ESPN: variants seen among roughly 807,000 people sequenced by gnomAD.
ESPN encodes autosomal recessive deafness type 36 protein.
ESPN carries 68 observed loss-of-function variants against 77.7 expected under a neutral mutation model. The ratio of observed to expected loss-of-function variants is 0.87; its 90% CI spans 0.72 to 1.07. The LOEUF (loss-of-function observed/expected upper bound fraction) is 1.07, where lower values mean the gene tolerates loss of function less well. ESPN is among the 50% of genes least tolerant of loss of function. The pLI is 0.00. For synonymous variants in ESPN, 449 were observed against 567.1 expected (o/e 0.79, Z 2.96); for missense variants, 1,060 against 1,239.0 (o/e 0.86, Z 2.17).
chr1:6,440,686 T>G lies in ESPN; in HGVS notation c.736T>G (p.Phe246Val). The G allele has an allele frequency of 7.0e-7, 1 of 1,437,908 alleles. No homozygotes were observed. The highest frequency in any genetic ancestry group is 9.2e-7 in the Non-Finnish European group (1 of 1,088,452). 89.1% of individuals were successfully genotyped at this position (1,437,908 alleles called of 1,614,324 possible). A position where few individuals can be genotyped will look rare whatever the true frequency, so the allele number is the denominator to read the frequency against. ...CAAAGACGGCGCCACCGCCATGCAC[T>G]TCGCGGCGAGCCGCGGCCACACCAA... ...QDKDGATAMH[F>V]AASRGHTKVL... is the part of the protein sequence containing the mutation. The change falls in exon 4 of 13, where the codon TTC becomes GTC. Residue 246 changes from phenylalanine to valine, a missense_variant. By Grantham distance (50) the Phe-to-Val change is conservative. Transcript: ENST00000645284.
At position 6,427,920 on chromosome 1, in the gene ESPN, A is replaced by G. The variant is rs1197258972; in HGVS notation, c.295-306A>G. Among the ~76,000 whole-genome samples, 6 of 152,150 alleles carry G rather than the reference A, an allele frequency of 3.9e-5. No individual in the cohort carries two copies. The highest frequency in any genetic ancestry group is 7.4e-5 in the Non-Finnish European group (5 of 68,010). On this transcript the variant is annotated intron_variant, in intron 1 of 12. Transcript: ENST00000645284. The surrounding 1 kb of genome is among the most constrained non-coding windows in gnomAD (Gnocchi z 4.6). Reference sequence around the variant, plus strand: ...GGCCTGGTGCCAGTCTCCTGCCGTGACAACCAGGTGCCTGTCGTGTAGGCA... The same window carrying G: ...GGCCTGGTGCCAGTCTCCTGCCGTGGCAACCAGGTGCCTGTCGTGTAGGCA...
At chr1:6,429,392 C>A (rs1379676674) in intron 2 of ESPN, among the ~76,000 whole-genome samples, 1 of 152,182 alleles carries the variant, frequency 6.6e-6, no homozygotes, top group East Asian at 1.9e-4. Flanking sequence ...CTAGGAGGGC[C>A]CCAGGGACCC....
At position 6,452,092 on chromosome 1, in the gene ESPN, G is replaced by A. The variant is rs121908136; in HGVS notation, c.2321G>A (p.Arg774Gln). The stretch of plus-strand genomic sequence containing the variant: ...ATGCAGGAGGAGGAGGAGCAGAGGC[G>A]GAAGGTGGGTGGGGCGGGGTGCCCA... Reference protein sequence around the residue: ...LKMQEEEEQRRKEEEEEARLA... With the variant: ...LKMQEEEEQRQKEEEEEARLA... Residue 774 changes from arginine (R) to glutamine (Q), a missense_variant, in exon 10 of 13, where the codon CGG (arginine) becomes CAG (glutamine). Transcript: ENST00000645284. The A allele has an allele frequency of 1.1e-5, 17 of 1,543,026 alleles. No individual in the cohort carries two copies. The highest frequency in any genetic ancestry group is 2.4e-5 in the East Asian group (1 of 41,104).
In ESPN at chr1:6,428,105, C is replaced by A; in HGVS notation, c.295-121C>A. ...CATTGCTGAATGAGGCCTGGCCAAT[C>A]CCTCCAGGGAAGACAGAGAGCACAG... On this transcript the variant is annotated intron_variant, in intron 1 of 12. Transcript: ENST00000645284. The surrounding 1 kb of genome is among the most constrained non-coding windows in gnomAD (Gnocchi z 5.4). 1 of 1,075,486 alleles carries A rather than the reference C, an allele frequency of 9.3e-7. No homozygotes were observed. The allele number at this position is 1,075,486 out of a possible 1,614,324, so 66.6% of individuals were successfully genotyped here.
Position 6,457,243 on chromosome 1 carries a change from G to T in ESPN, c.2385G>T (p.Arg795=). ...CCGCCTGGAGGCGGGACCTCCTGCG[G>T]AAGAAGCTGGAAGAAGAGAGGTGAG... The part of the protein sequence containing the change: ...SMPAWRRDLL[R]KKLEEEREQK... Residue 795 remains arginine (R), a synonymous_variant, in exon 11 of 13, where the codon CGG becomes CGT. Transcript: ENST00000645284. The T allele has an allele frequency of 6.2e-7, 1 of 1,613,862 alleles. No homozygotes were observed. Among genetic ancestry groups the T allele is most frequent in the Non-Finnish European group, 8.5e-7 (1 of 1,179,842 alleles).
intron 7 of ESPN, among the ~76,000 whole-genome samples, chr1:6,446,229 T>C (rs950112001): frequency 6.6e-6 from 1 of 151,744 alleles, no homozygotes; most frequent in Admixed American, 6.6e-5. Context: ...TTGCACAGAG[T>C]GGCCGGGTTG....
rs560871360 is a variant in ESPN at position 6,448,842 on chromosome 1, C to G, written c.1666C>G (p.Leu556Val). 5 of 1,243,102 alleles carry G rather than the reference C, an allele frequency of 4.0e-6. No homozygotes were observed. The South Asian group carries it at 1.7e-4, about 42-fold the overall frequency. The allele number at this position is 1,243,102 out of a possible 1,614,324, so 77.0% of individuals were successfully genotyped here. ...GCCCGCGCGCGCCGGCTGCCCGCGCCTCGGCCCTGCCGCCCGCGGCTCACT... is the reference window on the plus strand; with the variant it reads ...GCCCGCGCGCGCCGGCTGCCCGCGCGTCGGCCCTGCCGCCCGCGGCTCACT... ...RQPARAGCPR[L>V]GPAARGSLEG... Residue 556 changes from leucine to valine, a missense_variant, in exon 8 of 13, where the codon CTC becomes GTC. This residue lies in a region of ESPN where 130 missense variants were observed against 223.9 expected (regional missense o/e 0.58). Transcript: ENST00000645284.
intron 1 of ESPN, among the ~76,000 whole-genome samples, chr1:6,426,091 G>A (rs1291011980): frequency 1.3e-5 from 2 of 152,142 alleles, no homozygotes; most frequent in Admixed American, 1.3e-4. Flanking sequence ...GCAGCCATGG[G>A]AGGGAGGAAC....
In ESPN at chr1:6,460,879, C is replaced by T. The variant is rs1477971452; in HGVS notation, c.*733C>T. 3.0e-6 allele frequency: 1 copy of T among 333,944 alleles called. No homozygotes were observed. The highest frequency in any genetic ancestry group is 2.2e-5 in the African/African-American group (1 of 45,598). 20.7% of individuals were successfully genotyped at this position (333,944 alleles called of 1,614,324 possible). A position where few individuals can be genotyped will look rare whatever the true frequency, so the allele number is the denominator to read the frequency against. On this transcript the variant is annotated 3_prime_UTR_variant, in exon 13 of 13. Transcript: ENST00000645284. ...TGTGTCTCCAACTGCTGCACCCCAT[C>T]CCGACCCTGTCTCCGCCACCTCGCA... is the stretch of plus-strand genomic sequence containing the variant.
intron 12 of ESPN, among the ~76,000 whole-genome samples, chr1:6,459,339 C>T (rs1032616973): frequency 6.6e-6 from 1 of 151,524 alleles, no homozygotes; most frequent in East Asian, 1.9e-4. Flanking sequence ...CCCAGGAGGT[C>T]GAGGCTGCAG....
chr1:6,457,290 G>C (rs1644073065), intron 11 of ESPN, 27 bp downstream of exon 11: 1 of 1,614,094 alleles, frequency 6.2e-7, no homozygotes, highest in Non-Finnish European at 8.5e-7. Flanking sequence ...GCAGAGGCTG[G>C]CCTGGCAGGG....
In ESPN at chr1:6,427,826, C is replaced by T. The variant is rs1436310945; in HGVS notation, c.295-400C>T. Among the ~76,000 whole-genome samples the T allele has an allele frequency of 2.0e-5, 3 of 152,212 alleles. No individual in the cohort carries two copies. Among genetic ancestry groups the T allele is most frequent in the Admixed American group, 1.3e-4 (2 of 15,290 alleles). ...CACAGCCCCCCTTCCTGGCCCTGCT[C>T]AGCCCAGTAACCCTGTGTCACTCCT... On this transcript the variant is annotated intron_variant, in intron 1 of 12. Coordinates refer to ENST00000645284, the MANE Select transcript of ESPN (RefSeq NM_031475.3). The surrounding 1 kb of genome is among the most constrained non-coding windows in gnomAD (Gnocchi z 4.6).
intron 7 of ESPN, chr1:6,448,066 C>T (rs991285356): frequency 3.9e-5 from 6 of 152,296 alleles, no homozygotes; most frequent in Non-Finnish European, 7.3e-5. Flanking sequence ...GGTGTCGGGT[C>T]CTGCCGCCCC....
rs200429314 is a variant in ESPN, at chr1:6,460,111, G to A, written c.2530G>A (p.Val844Ile). The A allele has an allele frequency of 1.9e-5, 30 of 1,613,086 alleles. No homozygotes were observed. The highest frequency in any genetic ancestry group is 2.5e-5 in the Non-Finnish European group (29 of 1,180,012). Residue 844 changes from valine to isoleucine, a missense_variant, in exon 13 of 13, where the codon GTC (valine) becomes ATC (isoleucine). Coordinates refer to ENST00000645284, the MANE Select transcript of ESPN (RefSeq NM_031475.3). ...CAAGCTGGCGCCCTGGCAGCGACAG[G>A]TCATCCTGAAGAAGGGGGACATCGC... ...ESKLAPWQRQ[V>I]ILKKGDIAKY
chr1:6,445,627 A>G, intron 6 of ESPN, 37 bp from the exon 7 acceptor site: 1 of 1,605,392 alleles, frequency 6.2e-7, no homozygotes, highest in Non-Finnish European at 8.5e-7. Flanking sequence ...GCCTGTCTGC[A>G]TGCTCCCAAA....
At chr1:6,443,188 A>T (rs1643707684) in intron 5 of ESPN, 1 of 151,628 alleles carries the variant, frequency 6.6e-6, no homozygotes, top group African/African-American at 2.4e-5. Context: ...AAAAAAAAAA[A>T]GTTGACAATA....
intron 10 of ESPN, among the ~76,000 whole-genome samples, chr1:6,452,540 A>G (rs1557716075): frequency 6.6e-6 from 1 of 152,136 alleles, no homozygotes; most frequent in Non-Finnish European, 1.5e-5. Flanking sequence ...TGTCCTTGGA[A>G]GTGAGACAGC....
intron 2 of ESPN, among the ~76,000 whole-genome samples, chr1:6,434,152 C>T (rs1454114016): frequency 1.3e-5 from 2 of 152,212 alleles, no homozygotes; most frequent in Non-Finnish European, 2.9e-5. Flanking sequence ...ATCCGCCCGC[C>T]TCGGCCTCCC....
At chr1:6,434,904 G>A (rs1417222731) in intron 2 of ESPN, among the ~76,000 whole-genome samples, 1 of 152,124 alleles carries the variant, frequency 6.6e-6, no homozygotes, top group Non-Finnish European at 1.5e-5. Context: ...GGTGGGCCTC[G>A]CAGCCCTGCC....
Sources: allele counts gnomAD v4.1 joint callset (sites outside exome capture counted in the v4.1 genomes callset), GRCh38; gene constraint gnomAD v4.1.1; regional missense constraint gnomAD v4.1.1; non-coding constraint Gnocchi (gnomAD v3.1); transcripts MANE v1.5; gene names NCBI Gene and HGNC (gene_info 2026-07-23, HGNC 2026-07-21).